KIAA1217: variants seen among roughly 807,000 people sequenced by gnomAD.
KIAA1217 encodes KIAA1217.
A neutral mutation model predicts 163.9 loss-of-function variants in KIAA1217; 88 were observed. That is an observed-to-expected ratio of 0.54 (90% CI 0.45 to 0.64). The LOEUF is 0.64. Ranked by LOEUF, KIAA1217 falls within the 30% of genes least tolerant of loss-of-function variation. The pLI is 0.00. For missense variants in KIAA1217, 2,372 were observed against 2,475.0 expected (o/e 0.96, Z 0.88); for synonymous variants, 903 against 923.1 (o/e 0.98, Z 0.39).
chr10:24,398,569 A>C (rs1173792409), intron 3 of KIAA1217, among the ~76,000 whole-genome samples: 2 of 152,160 alleles, frequency 1.3e-5, no homozygotes, highest in Admixed American at 6.5e-5. Context: ...CAGGAAAGAA[A>C]GGAAAGTACA....
At chr10:24,426,272 C>G (rs748732411) in intron 3 of KIAA1217, among the ~76,000 whole-genome samples, 34 of 152,198 alleles carry the variant, frequency 2.2e-4, no homozygotes, top group Non-Finnish European at 3.8e-4. Flanking sequence ...ACTCTGTACT[C>G]TATCTTACCA....
chr10:23,991,729 A>G (rs917100525), intron 1 of KIAA1217, among the ~76,000 whole-genome samples: 4 of 152,170 alleles, frequency 2.6e-5, no homozygotes, highest in Admixed American at 6.5e-5. Flanking sequence ...TAATTACATG[A>G]AGCAGACAGG....
At chr10:24,338,868 T>A (rs1276034147) in intron 2 of KIAA1217, among the ~76,000 whole-genome samples, 1 of 152,210 alleles carries the variant, frequency 6.6e-6, no homozygotes, top group Non-Finnish European at 1.5e-5. Flanking sequence ...ATGTTGAAAC[T>A]ATCTTATAGA....
intron 3 of KIAA1217, among the ~76,000 whole-genome samples, chr10:24,415,805 G>A (rs537550555): frequency 4.1e-4 from 63 of 152,342 alleles, no homozygotes; most frequent in African/African-American, 1.5e-3. Context: ...GCTCTGGCCA[G>A]GGCTGAGAGA....
At chr10:24,238,257 G>T (rs762816313) in intron 2 of KIAA1217, among the ~76,000 whole-genome samples, 2 of 152,160 alleles carry the variant, frequency 1.3e-5, no homozygotes, top group African/African-American at 4.8e-5. Flanking sequence ...GAAGAACTTT[G>T]TACTGTGGCA....
At chr10:24,123,624 T>C (rs2063365916) in intron 2 of KIAA1217, among the ~76,000 whole-genome samples, 1 of 152,182 alleles carries the variant, frequency 6.6e-6, no homozygotes, top group South Asian at 2.1e-4. Context: ...TAGCTGCCGA[T>C]GGCAGTCACC....
intron 1 of KIAA1217, among the ~76,000 whole-genome samples, chr10:23,898,122 A>T (rs1841785785): frequency 1.3e-5 from 2 of 151,960 alleles, no homozygotes; most frequent in Non-Finnish European, 2.9e-5. Context: ...CTCATATTTT[A>T]CTGAACAAGC....
chr10:24,031,022 AT>A (rs1266752649), intron 2 of KIAA1217, among the ~76,000 whole-genome samples: 3 of 152,062 alleles, frequency 2.0e-5, no homozygotes, highest in African/African-American at 7.2e-5. Context: ...CTTTGCTTTC[AT>A]TTTTTGGGGG....
intron 2 of KIAA1217, among the ~76,000 whole-genome samples, chr10:24,230,873 C>T (rs1317210200): frequency 1.3e-5 from 2 of 152,138 alleles, no homozygotes; most frequent in Admixed American, 6.5e-5. Context: ...CAAAGCAGTT[C>T]AGGCTTGTCT....
chr10:23,724,287 A>G (rs1838019179), intron 1 of KIAA1217, among the ~76,000 whole-genome samples: 1 of 152,142 alleles, frequency 6.6e-6, no homozygotes, highest in Non-Finnish European at 1.5e-5. Context: ...TTTTTTTAAC[A>G]AGATTTGATA....
chr10:23,797,517 C>G (rs1418170887), intron 1 of KIAA1217, among the ~76,000 whole-genome samples: 1 of 152,034 alleles, frequency 6.6e-6, no homozygotes, highest in African/African-American at 2.4e-5. Context: ...ATTTATGAAG[C>G]AAAGAAGTTT....
At chr10:23,897,358 C>A (rs1841751625) in intron 1 of KIAA1217, among the ~76,000 whole-genome samples, 2 of 152,048 alleles carry the variant, frequency 1.3e-5, no homozygotes, top group Non-Finnish European at 2.9e-5. Flanking sequence ...GTCTCAATGC[C>A]ACCTCTTGGT....
intron 2 of KIAA1217, among the ~76,000 whole-genome samples, chr10:24,308,269 G>A (rs926979283): frequency 7.2e-5 from 11 of 152,162 alleles, no homozygotes; most frequent in Middle Eastern, 3.2e-3. Flanking sequence ...CCTGGAAAAG[G>A]AATGTGTGCA....
chr10:23,893,987 T>G (rs1841549465), intron 1 of KIAA1217, among the ~76,000 whole-genome samples: 1 of 151,994 alleles, frequency 6.6e-6, no homozygotes, highest in Non-Finnish European at 1.5e-5. Context: ...ATGGGATGTA[T>G]CTCAAAATAA....
chr10:23,740,625 G>A (rs11013689), intron 1 of KIAA1217, among the ~76,000 whole-genome samples: 7,946 of 152,184 alleles, frequency 0.052, 328 homozygotes, highest in African/African-American at 0.1. Context: ...CTCCCAAGGT[G>A]CTGTGATTAC....
At chr10:24,310,864 G>T (rs1431654998) in intron 2 of KIAA1217, among the ~76,000 whole-genome samples, 1 of 152,106 alleles carries the variant, frequency 6.6e-6, no homozygotes. Flanking sequence ...AAGTGTGGTG[G>T]TGCACACCTG....
chr10:23,863,137 C>A (rs1200646245), intron 1 of KIAA1217, among the ~76,000 whole-genome samples: 2 of 152,132 alleles, frequency 1.3e-5, no homozygotes, highest in African/African-American at 2.4e-5. Context: ...TGTCACTGTT[C>A]TTCAGTTTCC....
chr10:24,079,937 G>A (rs1482375846), intron 2 of KIAA1217, among the ~76,000 whole-genome samples: 1 of 152,188 alleles, frequency 6.6e-6, no homozygotes, highest in Non-Finnish European at 1.5e-5. Flanking sequence ...CTGGCCCAGT[G>A]CATAATCAGA....
chr10:24,202,013 G>A (rs945290048), intron 2 of KIAA1217, among the ~76,000 whole-genome samples: 6 of 152,146 alleles, frequency 3.9e-5, no homozygotes, highest in African/African-American at 7.2e-5. Context: ...GCAGGCAGGC[G>A]GCCCAGCCCC....
Sources: allele counts gnomAD v4.1 joint callset (sites outside exome capture counted in the v4.1 genomes callset), GRCh38; gene constraint gnomAD v4.1.1; transcripts MANE v1.5; gene names NCBI Gene and HGNC (gene_info 2026-07-23, HGNC 2026-07-21).